Variants in LRFN5 observed in about 807,000 individuals in gnomAD.
The protein encoded by LRFN5 is leucine-rich repeat and fibronectin type-III domain-containing protein 5.
In LRFN5, 24 loss-of-function variants were observed where a neutral mutation model predicts 45.6. The observed-to-expected ratio is 0.53, with a 90% confidence interval of 0.38 to 0.74. The LOEUF is 0.74. Ranked by LOEUF, LRFN5 falls within the 30% of genes least tolerant of loss-of-function variation. The pLI, the probability that LRFN5 is intolerant of heterozygous loss-of-function variation, is 0.00. For missense variants in LRFN5, 776 were observed against 861.5 expected (o/e 0.90, Z 1.24); for synonymous variants, 340 against 313.8 (o/e 1.08, Z -0.88).
chr14:41,823,111 T>A (rs1888178598), intron 2 of LRFN5, among the ~76,000 whole-genome samples: 1 of 152,064 alleles, frequency 6.6e-6, no homozygotes. Flanking sequence ...ATCTATAGTG[T>A]AGGATTTAGC....
chr14:41,612,834 T>A (rs8012562), intron 1 of LRFN5, among the ~76,000 whole-genome samples: 6,904 of 152,200 alleles, frequency 0.045, 523 homozygotes, highest in African/African-American at 0.16. Flanking sequence ...TGTATGTTAT[T>A]ATGAAAATTC....
At chr14:41,632,240 G>A (rs552159522) in intron 1 of LRFN5, among the ~76,000 whole-genome samples, 1 of 151,978 alleles carries the variant, frequency 6.6e-6, no homozygotes, top group African/African-American at 2.4e-5. Flanking sequence ...TTTGTTTCTT[G>A]TAACAGTTTC....
Position 41,891,695 on chromosome 14 carries a change from A to T in LRFN5, c.1831A>T (p.Ile611Phe), listed in dbSNP as rs1890788373. The T allele has an allele frequency of 6.2e-7, 1 of 1,614,082 alleles. No individual in the cohort carries two copies. The highest frequency in any genetic ancestry group is 1.3e-5 in the African/African-American group (1 of 74,930). The part of the protein sequence containing the change: ...QCCKATSDNV[I>F]QSSETCSSQD... ...TTGTAAAGCTACCAGTGACAATGTG[A>T]TTCAATCTTCAGAAACTTGTTCGAG... Residue 611 changes from isoleucine to phenylalanine, a missense_variant, in exon 4 of 6, where the codon ATT (isoleucine) becomes TTT (phenylalanine). Around this residue, in one of 2 missense-constraint regions of LRFN5, gnomAD observed 465 missense variants for 456.4 expected, o/e 1.02. Transcript: ENST00000298119.
intron 2 of LRFN5, among the ~76,000 whole-genome samples, chr14:41,798,240 T>G (rs1887203265): frequency 6.6e-6 from 1 of 151,860 alleles, no homozygotes; most frequent in African/African-American, 2.4e-5. Flanking sequence ...TTTGGGGGAG[T>G]AAATCTTGTT....
At chr14:41,614,660 G>T (rs1260277095) in intron 1 of LRFN5, among the ~76,000 whole-genome samples, 1 of 151,992 alleles carries the variant, frequency 6.6e-6, no homozygotes, top group Non-Finnish European at 1.5e-5. Context: ...AGGAACTATG[G>T]AATTCTACCC....
intron 1 of LRFN5, among the ~76,000 whole-genome samples, chr14:41,649,732 A>G (rs1193941996): frequency 6.6e-6 from 1 of 152,110 alleles, no homozygotes; most frequent in African/African-American, 2.4e-5. Flanking sequence ...GGTGGGTTTA[A>G]CCAAAATTCT....
intron 1 of LRFN5, chr14:41,731,406 C>G (rs527949312): frequency 6.6e-6 from 1 of 152,092 alleles, no homozygotes; most frequent in Admixed American, 6.6e-5. Context: ...TGTGCTAACT[C>G]TTCACTGATA....
chr14:41,803,865 A>G (rs149605472), intron 2 of LRFN5, among the ~76,000 whole-genome samples: 2 of 151,562 alleles, frequency 1.3e-5, no homozygotes, highest in African/African-American at 4.8e-5. Context: ...AGTTTTTTTC[A>G]TTTGTTTGTT....
intron 2 of LRFN5, among the ~76,000 whole-genome samples, chr14:41,775,943 A>G (rs1398250459): frequency 1.1e-4 from 16 of 152,228 alleles, no homozygotes; most frequent in Admixed American, 1.0e-3. Flanking sequence ...TGTAACAGCT[A>G]TACTGACGAT....
At chr14:41,856,675 A>ATTATTATTATTTTTTTTTTTTTTTTTTT in intron 2 of LRFN5, among the ~76,000 whole-genome samples, 5 of 18,334 alleles carry the variant, frequency 2.7e-4, no homozygotes, top group Non-Finnish European at 5.1e-4. Context: ...TATTATTATT[A>ATTATTATTATTTTTTTTTTTTTTTTTTT]TTTTTTTTTT....
intron 1 of LRFN5, among the ~76,000 whole-genome samples, chr14:41,685,848 A>G (rs978495328): frequency 6.6e-6 from 1 of 152,180 alleles, no homozygotes; most frequent in African/African-American, 2.4e-5. Context: ...TACCACTACC[A>G]TGCTGTCTTG....
rs144288789 is a variant in LRFN5, at chr14:41,650,502, A to G, written c.-197+41940A>G. Among the ~76,000 whole-genome samples the G allele has an allele frequency of 2.8e-3, 419 of 152,242 alleles. 2 individuals carry two copies. The highest frequency in any genetic ancestry group is 9.4e-3 in the African/African-American group (390 of 41,548). On this transcript the variant is annotated intron_variant, in intron 1 of 5. Transcript: ENST00000298119. Reference sequence around the variant, plus strand: ...TCAGTGACAACAAATCGGTGAGCTAATGGAAATTTACATGAACTCTTTGTT... The same window carrying G: ...TCAGTGACAACAAATCGGTGAGCTAGTGGAAATTTACATGAACTCTTTGTT...
intron 2 of LRFN5, among the ~76,000 whole-genome samples, chr14:41,808,197 GGGAAGGAAGGAAGGAA>G (rs141262386): frequency 3.0e-4 from 30 of 101,114 alleles, no homozygotes; most frequent in African/African-American, 7.6e-4. Context: ...AGGAAGTAGA[GGGAAGGAAGGAAGGAA>G]GGAAGGAAGG....
At chr14:41,677,484 G>A (rs1465676647) in intron 1 of LRFN5, among the ~76,000 whole-genome samples, 2 of 151,832 alleles carry the variant, frequency 1.3e-5, no homozygotes, top group African/African-American at 4.8e-5. Context: ...GAAAAAACAC[G>A]CTTTAAAAAA....
intron 2 of LRFN5, among the ~76,000 whole-genome samples, chr14:41,860,073 A>G (rs1009248101): frequency 3.3e-5 from 5 of 152,192 alleles, no homozygotes; most frequent in Admixed American, 1.3e-4. Flanking sequence ...GTGGGTACAG[A>G]CAGTTATCGC....
At chr14:41,892,602 G>A (rs1890823669) in intron 4 of LRFN5, 1 of 982,004 alleles carries the variant, frequency 1.0e-6, no homozygotes, top group Non-Finnish European at 1.2e-6. Flanking sequence ...TTAGGGAAAT[G>A]TTGTAGAGAA....
At chr14:41,841,820 T>G (rs1330989150) in intron 2 of LRFN5, among the ~76,000 whole-genome samples, 2 of 151,944 alleles carry the variant, frequency 1.3e-5, no homozygotes, top group Non-Finnish European at 2.9e-5. Flanking sequence ...TTTTGTGGGT[T>G]AGTTTTTATG....
At chr14:41,622,345 T>A (rs1888166073) in intron 1 of LRFN5, among the ~76,000 whole-genome samples, 1 of 152,076 alleles carries the variant, frequency 6.6e-6, no homozygotes, top group Admixed American at 6.6e-5. Context: ...ATATTTGAAA[T>A]GGCTGGATCT....
chr14:41,695,015 A>G (rs923287276), intron 1 of LRFN5, among the ~76,000 whole-genome samples: 1 of 152,032 alleles, frequency 6.6e-6, no homozygotes, highest in African/African-American at 2.4e-5. Flanking sequence ...AGTTGTAAAT[A>G]CAAAAGTTAT....
Sources: gnomAD v4.1 joint callset for allele counts (sites outside exome capture counted in the v4.1 genomes callset) on GRCh38, gnomAD v4.1.1 for gene constraint, gnomAD v4.1.1 regional missense constraint, MANE v1.5 for transcripts, NCBI Gene and HGNC (gene_info 2026-07-23, HGNC 2026-07-21) for gene names.